Variants in CTNND2 observed in about 807,000 individuals in gnomAD.
CTNND2 encodes the protein catenin delta 2, also known as catenin delta-2.
A neutral mutation model predicts 144.4 loss-of-function variants in CTNND2; 22 were observed. The ratio of observed to expected loss-of-function variants is 0.15; its 90% confidence interval spans 0.11 to 0.22. The LOEUF (loss-of-function observed/expected upper bound fraction) is 0.22. Ranked by LOEUF, CTNND2 falls within the 10% of genes least tolerant of loss-of-function variation. CTNND2 has a pLI of 1.00. For synonymous variants in CTNND2, 751 were observed against 695.6 expected (o/e 1.08, Z -1.25); for missense variants, 1,353 against 1,618.8 (o/e 0.84, Z 2.82).
rs184128587 is a variant in CTNND2 at position 11,010,122 on chromosome 5, A to C, written c.3084+7852T>G. Among the ~76,000 whole-genome samples the C allele has an allele frequency of 4.9e-4, 75 of 152,344 alleles. 1 individual carries two copies. The East Asian group carries it at 0.012, about 24-fold the overall frequency. On this transcript the variant is annotated intron_variant, in intron 18 of 21. Coordinates refer to ENST00000304623, the MANE Select transcript of CTNND2 (RefSeq NM_001332.4). ...TGGACACTAGCCTTGGGTTGTTTTA[A>C]AATCTGGCTGAAAGTCCTTATGTTC...
At chr5:11,083,813 G>T in intron 15 of CTNND2, 1 of 815,676 alleles carries the variant, frequency 1.2e-6, no homozygotes, top group Non-Finnish European at 1.5e-6. Context: ...TTCCCACCCA[G>T]TCCCCCCACC....
At chr5:11,887,396 T>C (rs1243373361) in intron 1 of CTNND2, among the ~76,000 whole-genome samples, 2 of 152,100 alleles carry the variant, frequency 1.3e-5, no homozygotes, top group Non-Finnish European at 1.5e-5. Flanking sequence ...GCTATTTAAT[T>C]AGAAATCAAT....
chr5:11,802,105 T>A, intron 1 of CTNND2, among the ~76,000 whole-genome samples: 1 of 151,510 alleles, frequency 6.6e-6, no homozygotes, highest in Admixed American at 6.6e-5. Flanking sequence ...AAACCCCATC[T>A]CTACTAAAAA....
intron 9 of CTNND2, among the ~76,000 whole-genome samples, chr5:11,240,784 C>T (rs1158273510): frequency 2.8e-5 from 4 of 143,732 alleles, no homozygotes; most frequent in African/African-American, 1.0e-4. Flanking sequence ...TCAGCACACA[C>T]ACCCCCAACC....
At chr5:11,759,179 T>C (rs1315550985) in intron 1 of CTNND2, among the ~76,000 whole-genome samples, 2 of 124,014 alleles carry the variant, frequency 1.6e-5, no homozygotes, top group Non-Finnish European at 3.6e-5. Flanking sequence ...GATTATAATC[T>C]ACCTTTTTAT....
At chr5:11,653,072 TGTGTG>T (rs1782727330) in intron 2 of CTNND2, among the ~76,000 whole-genome samples, 4 of 7,356 alleles carry the variant, frequency 5.4e-4, no homozygotes, top group African/African-American at 1.5e-3. Flanking sequence ...ACAAAATTCG[TGTGTG>T]TGTGTGTGTG....
intron 3 of CTNND2, among the ~76,000 whole-genome samples, chr5:11,512,184 C>T (rs1431627420): frequency 2.0e-5 from 3 of 152,186 alleles, no homozygotes; most frequent in East Asian, 1.9e-4. Flanking sequence ...TAATGCTCTG[C>T]TGTTGCCATC....
intron 2 of CTNND2, among the ~76,000 whole-genome samples, chr5:11,623,573 T>C (rs1370518810): frequency 1.3e-5 from 2 of 151,536 alleles, no homozygotes; most frequent in African/African-American, 4.8e-5. Context: ...AGTGTGAAAA[T>C]GGACTAATAC....
chr5:11,391,959 CA>C (rs902419739), intron 6 of CTNND2, among the ~76,000 whole-genome samples: 1 of 152,154 alleles, frequency 6.6e-6, no homozygotes, highest in African/African-American at 2.4e-5. Context: ...ACATCCAAAT[CA>C]AAAGGACCAT....
intron 3 of CTNND2, among the ~76,000 whole-genome samples, chr5:11,499,382 G>A (rs1157315955): frequency 6.6e-6 from 1 of 152,080 alleles, no homozygotes; most frequent in African/African-American, 2.4e-5. Flanking sequence ...CCAAAATCCT[G>A]ACAAGAGGCC....
intron 3 of CTNND2, among the ~76,000 whole-genome samples, chr5:11,563,607 T>C (rs61763048): frequency 6.6e-6 from 1 of 152,330 alleles, no homozygotes; most frequent in East Asian, 1.9e-4. Flanking sequence ...ATGTACGTAT[T>C]TGCAGCAACA....
At chr5:11,862,150 T>C (rs1009225190) in intron 1 of CTNND2, among the ~76,000 whole-genome samples, 1 of 152,204 alleles carries the variant, frequency 6.6e-6, no homozygotes, top group East Asian at 1.9e-4. Context: ...TTTAAACAAA[T>C]TTCCACATTT....
chr5:11,117,893 T>C (rs1266461790), intron 12 of CTNND2, among the ~76,000 whole-genome samples: 2 of 152,208 alleles, frequency 1.3e-5, no homozygotes, highest in Non-Finnish European at 2.9e-5. Flanking sequence ...AGAAGCTTTT[T>C]GATTCAAAGG....
chr5:11,283,447 G>A (rs571348346), intron 9 of CTNND2, among the ~76,000 whole-genome samples: 2 of 152,000 alleles, frequency 1.3e-5, no homozygotes, highest in East Asian at 1.9e-4. Flanking sequence ...AGGCCAAGGC[G>A]GGCAGATCAT....
chr5:11,267,136 C>T (rs951316180), intron 9 of CTNND2, among the ~76,000 whole-genome samples: 32 of 152,226 alleles, frequency 2.1e-4, no homozygotes, highest in Non-Finnish European at 1.5e-5. Flanking sequence ...ACCTCGGCCT[C>T]CCAAAGTGCT....
chr5:11,589,270 T>C (rs186495568), intron 2 of CTNND2, among the ~76,000 whole-genome samples: 53 of 132,280 alleles, frequency 4.0e-4, no homozygotes, highest in Admixed American at 1.3e-3. Context: ...GCTATCTGTA[T>C]GTTAACATTA....
chr5:11,727,519 C>CT lies in CTNND2; in HGVS notation c.174+4616dup, dbSNP rs201092820. Among the ~76,000 whole-genome samples the CT allele has an allele frequency of 1.2e-3, 188 of 151,238 alleles. 1 individual carries two copies. Among genetic ancestry groups the CT allele is most frequent in the African/African-American group, 3.9e-3 (159 of 41,196 alleles). ...CAACAAAAGTTAAAGGAAATGCATG[C>CT]TTTTTTTTTCATTTCTAATCCACCC... On this transcript the variant is annotated intron_variant, in intron 2 of 21. Transcript: ENST00000304623.
intron 7 of CTNND2, 49 bp from the exon 8 acceptor site, chr5:11,364,939 A>C: frequency 6.6e-7 from 1 of 1,508,592 alleles, no homozygotes; most frequent in Non-Finnish European, 9.0e-7. Context: ...ACCTCCAAAC[A>C]GAACTTGTTT....
In CTNND2 at chr5:11,370,047, T is replaced by C. The variant is rs192357642; in HGVS notation, c.1178-5157A>G. On this transcript the variant is annotated intron_variant, in intron 7 of 21. Coordinates refer to ENST00000304623, the MANE Select transcript of CTNND2 (RefSeq NM_001332.4). ...ACAATTGATTGGACGAATGAAAGGA[T>C]TTTTTTAACTCAAAATTTCAAAATC... Among the ~76,000 whole-genome samples, 24 of 152,316 alleles carry C rather than the reference T, an allele frequency of 1.6e-4. No homozygotes were observed. In the Middle Eastern group the frequency reaches 0.014, roughly 86 times the overall value.
Sources: gnomAD v4.1 joint callset for allele counts (sites outside exome capture counted in the v4.1 genomes callset) on GRCh38, gnomAD v4.1.1 for gene constraint, MANE v1.5 for transcripts, NCBI Gene and HGNC (gene_info 2026-07-23, HGNC 2026-07-21) for gene names.